NR5A2: variants seen among roughly 807,000 people sequenced by gnomAD.
NR5A2 encodes the protein CYP7A promoter-binding factor.
In NR5A2, 26 loss-of-function variants were observed where a neutral mutation model predicts 62.7. The ratio of observed to expected loss-of-function variants is 0.41; its 90% CI spans 0.30 to 0.58. NR5A2 has a LOEUF of 0.58. Ranked by LOEUF, NR5A2 falls within the 20% of genes least tolerant of loss-of-function variation. The pLI, the probability that NR5A2 is intolerant of heterozygous loss-of-function variation, is 0.22. For missense variants in NR5A2, 541 were observed against 669.1 expected, an observed-to-expected ratio of 0.81 and a Z score of 2.11; for synonymous variants, 246 against 241.7, an observed-to-expected ratio of 1.02 and a Z score of -0.16.
In NR5A2 at chr1:200,072,610, TAAAAG is replaced by T. The variant is rs556768617; in HGVS notation, c.1110+23798_1110+23802del. On this transcript the variant is annotated intron_variant, in intron 5 of 7. Transcript: ENST00000367362. ...AGCCTATATATAGGCTCTCATGTAT[TAAAAG>T]AAAAGCTATTTACAACTGATTTGTT... Among the ~76,000 whole-genome samples the T allele has an allele frequency of 9.8e-4, 149 of 152,262 alleles. 1 individual carries two copies. Among genetic ancestry groups the T allele is most frequent in the Admixed American group, 2.5e-3 (38 of 15,300 alleles).
chr1:200,051,424 A>ATTTGGCTAAAACATAAATATC (rs1662627581), intron 5 of NR5A2, among the ~76,000 whole-genome samples: 1 of 152,204 alleles, frequency 6.6e-6, no homozygotes, highest in African/African-American at 2.4e-5. Context: ...GAGGTTAAAT[A>ATTTGGCTAAAACATAAATATC]TTTGGCTAAA....
intron 5 of NR5A2, among the ~76,000 whole-genome samples, chr1:200,070,829 G>A (rs796197820): frequency 4.7e-5 from 7 of 150,230 alleles, no homozygotes; most frequent in African/African-American, 1.7e-4. Flanking sequence ...CTGTGTCAAT[G>A]TGCCACGCCT....
At chr1:200,079,840 A>G (rs1664208794) in intron 5 of NR5A2, among the ~76,000 whole-genome samples, 1 of 150,978 alleles carries the variant, frequency 6.6e-6, no homozygotes, top group South Asian at 2.1e-4. Flanking sequence ...GTTCATTCAT[A>G]CATGACTTGA....
At chr1:200,065,423 G>A (rs1228387956) in intron 5 of NR5A2, among the ~76,000 whole-genome samples, 2 of 151,114 alleles carry the variant, frequency 1.3e-5, no homozygotes, top group East Asian at 2.0e-4. Flanking sequence ...GATTACAGGC[G>A]TGAGCCACCA....
intron 5 of NR5A2, among the ~76,000 whole-genome samples, chr1:200,083,099 G>T (rs1210846328): frequency 1.3e-5 from 2 of 152,158 alleles, no homozygotes; most frequent in African/African-American, 2.4e-5. Context: ...TAATAGTAAG[G>T]TTAAGCAAGA....
intron 7 of NR5A2, among the ~76,000 whole-genome samples, chr1:200,163,121 A>T (rs1653720870): frequency 6.6e-6 from 1 of 152,210 alleles, no homozygotes; most frequent in Non-Finnish European, 1.5e-5. Flanking sequence ...CCAGCCAAAA[A>T]GTCCTCTTTG....
chr1:200,064,514 C>T (rs1295123588), intron 5 of NR5A2, among the ~76,000 whole-genome samples: 1 of 152,042 alleles, frequency 6.6e-6, no homozygotes, highest in Non-Finnish European at 1.5e-5. Flanking sequence ...GCTGGAAGGA[C>T]AAGGATAGGG....
chr1:200,108,081 CGTGTGTGTGTGTGTGTGT>C (rs71132660), intron 5 of NR5A2, among the ~76,000 whole-genome samples: 3 of 146,876 alleles, frequency 2.0e-5, no homozygotes, highest in African/African-American at 7.6e-5. Context: ...AGAAGACATA[CGTGTGTGTGTGTGTGTGT>C]GTGTGTGTGT....
intron 5 of NR5A2, among the ~76,000 whole-genome samples, chr1:200,104,510 A>C (rs1406182138): frequency 1.3e-5 from 2 of 152,148 alleles, no homozygotes; most frequent in Admixed American, 1.3e-4. Context: ...CTTCAGAACA[A>C]ACTTCTATAA....
Position 200,039,872 on chromosome 1 carries a change from C to A in NR5A2, c.202+77C>A, listed in dbSNP as rs1661982983. On this transcript the variant is annotated intron_variant, in intron 2 of 7. Coordinates refer to ENST00000367362, the MANE Select transcript of NR5A2 (RefSeq NM_205860.3). This position sits in a 1 kb window ranked among gnomAD's most constrained non-coding sequence, Gnocchi z 5.1. Reference sequence around the variant, plus strand: ...GCTCGCCCTGCAGGCTTCAGCCTCCCGCCCCGCGCGGGCGCGGGAGTAGCC... The same window carrying A: ...GCTCGCCCTGCAGGCTTCAGCCTCCAGCCCCGCGCGGGCGCGGGAGTAGCC... 4 of 1,468,970 alleles carry A rather than the reference C, an allele frequency of 2.7e-6. No homozygotes were observed. Among genetic ancestry groups the A allele is most frequent in the Admixed American group, 3.1e-5 (1 of 31,880 alleles). The allele number at this position is 1,468,970 out of a possible 1,614,324, so 91.0% of individuals were successfully genotyped here.
At chr1:200,062,166 G>A (rs1055116090) in intron 5 of NR5A2, among the ~76,000 whole-genome samples, 15 of 151,282 alleles carry the variant, frequency 9.9e-5, no homozygotes, top group Admixed American at 6.6e-5. Context: ...ATATTCATTT[G>A]CTAAAAACAA....
At position 200,048,742 on chromosome 1, in the gene NR5A2, T is replaced by C. The variant is rs1215831071; in HGVS notation, c.1034T>C (p.Met345Thr). ...GAAAAGCTGAGCACCTTTGGGCTTATGTGCAAAATGGCAGATCAAACTCTC... is the reference window on the plus strand; with the variant it reads ...GAAAAGCTGAGCACCTTTGGGCTTACGTGCAAAATGGCAGATCAAACTCTC... The part of the protein sequence containing the change: ...KHEKLSTFGL[M>T]CKMADQTLFS... The change falls in exon 5 of 8, where the codon ATG (methionine) becomes ACG (threonine). Residue 345 changes from methionine to threonine, a missense_variant. Physicochemically the swap from Met to Thr is moderately conservative, Grantham distance 81. Coordinates refer to ENST00000367362, the MANE Select transcript of NR5A2 (RefSeq NM_205860.3). The surrounding 1 kb of genome is among the most constrained non-coding windows in gnomAD (Gnocchi z 4.8). 6 of 1,614,108 alleles carry C rather than the reference T, an allele frequency of 3.7e-6. No homozygotes were observed. Among genetic ancestry groups the C allele is most frequent in the Non-Finnish European group, 4.2e-6 (5 of 1,180,046 alleles).
chr1:200,059,227 C>T (rs1286139263), intron 5 of NR5A2, among the ~76,000 whole-genome samples: 3 of 152,162 alleles, frequency 2.0e-5, no homozygotes, highest in African/African-American at 7.2e-5. Context: ...ACTTCAGCCT[C>T]ATTTTGCAAA....
chr1:200,072,474 A>G (rs1663783644), intron 5 of NR5A2, among the ~76,000 whole-genome samples: 1 of 152,152 alleles, frequency 6.6e-6, no homozygotes. Flanking sequence ...CCCGAAGGCC[A>G]AATAATTAGA....
intron 7 of NR5A2, among the ~76,000 whole-genome samples, chr1:200,142,341 A>G (rs1667482736): frequency 6.6e-6 from 1 of 151,446 alleles, no homozygotes; most frequent in Non-Finnish European, 1.5e-5. Flanking sequence ...CTGATATTAC[A>G]GGTGCCTGCC....
chr1:200,108,324 C>G (rs1301599232), intron 5 of NR5A2, among the ~76,000 whole-genome samples: 1 of 151,374 alleles, frequency 6.6e-6, no homozygotes, highest in Non-Finnish European at 1.5e-5. Context: ...GTGATCCTCC[C>G]ACCTCGGCCT....
At chr1:200,168,381 T>C (rs1323422765) in intron 7 of NR5A2, among the ~76,000 whole-genome samples, 1 of 152,042 alleles carries the variant, frequency 6.6e-6, no homozygotes, top group East Asian at 1.9e-4. Context: ...AGCCAACTTT[T>C]TATTTTTATT....
intron 5 of NR5A2, among the ~76,000 whole-genome samples, chr1:200,077,111 G>C (rs1420763302): frequency 6.6e-6 from 1 of 152,176 alleles, no homozygotes. Context: ...ATCTACAAAT[G>C]AAAGTCTTTT....
chr1:200,042,955 G>A (rs1187717427), intron 2 of NR5A2: 12 of 984,616 alleles, frequency 1.2e-5, no homozygotes, highest in Non-Finnish European at 1.4e-5. Context: ...CTTTAATAGG[G>A]CGATCTCGAG....
Sources: allele counts gnomAD v4.1 joint callset (sites outside exome capture counted in the v4.1 genomes callset), GRCh38; gene constraint gnomAD v4.1.1; non-coding constraint Gnocchi (gnomAD v3.1); transcripts MANE v1.5; gene names NCBI Gene and HGNC (gene_info 2026-07-23, HGNC 2026-07-21).